The following KIAA1549 variants were observed in gnomAD, a reference collection of about 807,000 sequenced individuals.
The protein encoded by KIAA1549 is UPF0606 protein KIAA1549.
KIAA1549 carries 70 observed loss-of-function variants against 156.4 expected under a neutral mutation model. The ratio of observed to expected loss-of-function variants is 0.45; its 90% CI spans 0.37 to 0.55. The LOEUF (loss-of-function observed/expected upper bound fraction) is 0.55. KIAA1549 is among the 20% of genes least tolerant of loss of function. The pLI is 0.00. For missense variants in KIAA1549, 2,428 were observed against 2,540.9 expected, an observed-to-expected ratio of 0.96 and a Z score of 0.96; for synonymous variants, 1,103 against 1,066.4, an observed-to-expected ratio of 1.03 and a Z score of -0.67.
chr7:138,980,969 C>A, intron 1 of KIAA1549, 114 bp downstream of exon 1: 1 of 966,188 alleles, frequency 1.0e-6, no homozygotes, highest in African/African-American at 1.7e-5. Context: ...GAAAGGACGG[C>A]GAGGGAGCTG....
intron 1 of KIAA1549, among the ~76,000 whole-genome samples, chr7:138,960,511 T>C (rs56108787): frequency 0.22 from 32,740 of 151,698 alleles, 4,181 homozygotes; most frequent in African/African-American, 0.35. Context: ...GGTTTCACCA[T>C]GTTGGCCAGG....
chr7:138,854,409 C>G (rs1810322376), intron 16 of KIAA1549, among the ~76,000 whole-genome samples: 1 of 152,216 alleles, frequency 6.6e-6, no homozygotes. Context: ...GCAATACCAA[C>G]TATCACGTGG....
chr7:138,896,565 CTCT>C (rs949379453), intron 9 of KIAA1549, among the ~76,000 whole-genome samples: 2 of 151,292 alleles, frequency 1.3e-5, no homozygotes, highest in African/African-American at 2.4e-5. Context: ...CAACTGGACA[CTCT>C]TCTTAGTTCT....
intron 1 of KIAA1549, among the ~76,000 whole-genome samples, chr7:138,953,863 T>C (rs1333772894): frequency 6.6e-6 from 1 of 152,238 alleles, no homozygotes; most frequent in Non-Finnish European, 1.5e-5. Context: ...TTTCACATTT[T>C]AAGATATCTG....
chr7:138,870,142 T>C (rs1461133838), intron 13 of KIAA1549, among the ~76,000 whole-genome samples: 1 of 152,002 alleles, frequency 6.6e-6, no homozygotes, highest in Non-Finnish European at 1.5e-5. Context: ...TGAGCCACCA[T>C]GCCCAGCCAG....
Position 138,919,064 on chromosome 7 carries a change from C to G in KIAA1549, c.562G>C (p.Glu188Gln). 1 of 1,613,946 alleles carries G rather than the reference C, an allele frequency of 6.2e-7. No individual in the cohort carries two copies. The highest frequency in any genetic ancestry group is 8.5e-7 in the Non-Finnish European group (1 of 1,179,870). ...ITVSPPGLPR[E>Q]ALEPMLTPSL... ...GGAGTGAGCATAGGTTCTAATGCTT[C>G]CCTGGGCAGCCCTGGTGGGCTGACT... Residue 188 changes from glutamate to glutamine, a missense_variant, in exon 2 of 20, where the codon GAA (glutamate) becomes CAA (glutamine). Coordinates refer to ENST00000422774, the MANE Select transcript of KIAA1549 (RefSeq NM_001164665.2).
rs1387320841 is a variant in KIAA1549, at chr7:138,869,587, G to A, written c.4726C>T (p.Leu1576=). The change falls in exon 14 of 20, where the codon CTG becomes TTG. Residue 1576 remains leucine (L), a synonymous_variant. Coordinates refer to ENST00000422774, the MANE Select transcript of KIAA1549 (RefSeq NM_001164665.2). ...GAGGGCACGCTGGCCGTGGGGTCCA[G>A]GATCTTGTCGATCTGCATCTGTGCC... ...RRAQMQIDKI[L]DPTASVPSVF... 6.3e-7 allele frequency: 1 copy of A among 1,598,604 alleles called. No individual in the cohort carries two copies. Among genetic ancestry groups the A allele is most frequent in the Non-Finnish European group, 8.5e-7 (1 of 1,174,000 alleles).
intron 4 of KIAA1549, among the ~76,000 whole-genome samples, chr7:138,909,514 G>A (rs1033046451): frequency 1.3e-5 from 2 of 152,226 alleles, no homozygotes; most frequent in Middle Eastern, 3.4e-3. Context: ...ACGTTCACAG[G>A]GGATAGATGA....
rs752478743 is a variant in KIAA1549 at position 138,917,162 on chromosome 7, C to A, written c.2464G>T (p.Val822Leu). The A allele has an allele frequency of 1.2e-6, 2 of 1,613,800 alleles. No individual in the cohort carries two copies. The highest frequency in any genetic ancestry group is 2.2e-5 in the East Asian group (1 of 44,882). Residue 822 changes from valine (V) to leucine (L), a missense_variant, in exon 2 of 20, where the codon GTG becomes TTG. By Grantham distance (32) the Val-to-Leu change is conservative. Around this residue, in one of 5 missense-constraint regions of KIAA1549, gnomAD observed 762 missense variants for 901.6 expected, o/e 0.85. Coordinates refer to ENST00000422774, the MANE Select transcript of KIAA1549 (RefSeq NM_001164665.2). ...TTGGAGAAAGAGGCCAGGACAGACA[C>A]GTGACCGTCTAGAGCACTGATTTGG... ...DDQISALDGH[V>L]SVLASFSKAI...
intron 18 of KIAA1549, among the ~76,000 whole-genome samples, chr7:138,840,524 G>A (rs375858419): frequency 2.0e-5 from 3 of 152,132 alleles, no homozygotes; most frequent in South Asian, 2.1e-4. Context: ...ACGAAGCACC[G>A]TGGACCAAGC....
intron 1 of KIAA1549, among the ~76,000 whole-genome samples, chr7:138,932,132 C>CAG (rs1484311361): frequency 6.6e-6 from 1 of 152,190 alleles, no homozygotes; most frequent in Non-Finnish European, 1.5e-5. Flanking sequence ...ACTCCCTTTT[C>CAG]AGAGAATAGG....
At position 138,903,569 on chromosome 7, in the gene KIAA1549, C is replaced by T. The variant is rs761427785; in HGVS notation, c.3669+19G>A. ...TCTCTCCCTCTCTCTCCTTCCCCTC[C>T]TCCTTTGATGTGGAGTACCTGCACC... On this transcript the variant is annotated intron_variant, in intron 8 of 19. Coordinates refer to ENST00000422774, the MANE Select transcript of KIAA1549 (RefSeq NM_001164665.2). 3.1e-6 allele frequency: 5 copies of T among 1,610,522 alleles called. No homozygotes were observed. In the South Asian group the frequency reaches 3.3e-5, roughly 11 times the overall value.
chr7:138,949,059 A>C (rs1813415995), intron 1 of KIAA1549, among the ~76,000 whole-genome samples: 1 of 152,146 alleles, frequency 6.6e-6, no homozygotes, highest in African/African-American at 2.4e-5. Context: ...TCATACTAGG[A>C]GTAACAGCTC....
At chr7:138,840,351 G>T in intron 18 of KIAA1549, 73 bp from the exon 19 acceptor site, 1 of 1,374,562 alleles carries the variant, frequency 7.3e-7, no homozygotes, top group Non-Finnish European at 1.0e-6. Context: ...GGCTGCCGAG[G>T]AAGACACTGT....
At chr7:138,843,440 A>G (rs962240571) in intron 18 of KIAA1549, among the ~76,000 whole-genome samples, 2 of 152,200 alleles carry the variant, frequency 1.3e-5, no homozygotes, top group African/African-American at 4.8e-5. Flanking sequence ...TCTCCTAGGT[A>G]CTATTTTCTT....
intron 4 of KIAA1549, among the ~76,000 whole-genome samples, chr7:138,909,709 G>A (rs1563073200): frequency 6.6e-6 from 1 of 152,186 alleles, no homozygotes. Flanking sequence ...CACTTTGGGA[G>A]GCTGAGGCGG....
chr7:138,957,055 A>T (rs1363774750), intron 1 of KIAA1549, among the ~76,000 whole-genome samples: 2 of 152,210 alleles, frequency 1.3e-5, no homozygotes, highest in Non-Finnish European at 2.9e-5. Context: ...TTCCTGAGGG[A>T]AGTACAGAAT....
intron 1 of KIAA1549, among the ~76,000 whole-genome samples, chr7:138,959,921 C>G (rs1478075913): frequency 6.6e-6 from 1 of 152,186 alleles, no homozygotes; most frequent in Non-Finnish European, 1.5e-5. Context: ...AGGTCAGTTC[C>G]CAGGACTGGA....
intron 1 of KIAA1549, among the ~76,000 whole-genome samples, chr7:138,920,247 T>TCTCAGCCCCGCCTGGAA (rs1812530263): frequency 6.7e-6 from 1 of 149,132 alleles, no homozygotes; most frequent in African/African-American, 2.5e-5. Flanking sequence ...GGATGGCTCC[T>TCTCAGCCCCGCCTGGAA]TCTGGCCCTT....
Sources: allele counts gnomAD v4.1 joint callset (sites outside exome capture counted in the v4.1 genomes callset), GRCh38; gene constraint gnomAD v4.1.1; regional missense constraint gnomAD v4.1.1; transcripts MANE v1.5; gene names NCBI Gene and HGNC (gene_info 2026-07-23, HGNC 2026-07-21).